Variants in BACH2 observed in about 807,000 individuals in gnomAD.
BACH2 encodes transcription regulator protein BACH2.
In BACH2, 5 loss-of-function variants were observed where a neutral mutation model predicts 61.8. The observed-to-expected ratio is 0.08, with a 90% confidence interval of 0.04 to 0.17. The LOEUF (loss-of-function observed/expected upper bound fraction) is 0.17. BACH2 is among the 10% of genes least tolerant of loss of function. The pLI is 1.00. For missense variants in BACH2, 824 were observed against 1,091.1 expected (o/e 0.76, Z 3.45); for synonymous variants, 446 against 440.1 (o/e 1.01, Z -0.17).
At chr6:90,273,186 C>T (rs979739584) in intron 1 of BACH2, among the ~76,000 whole-genome samples, 2 of 151,116 alleles carry the variant, frequency 1.3e-5, no homozygotes, top group African/African-American at 4.9e-5. Context: ...ATAACGAGTT[C>T]CTGTTTCTAT....
intron 4 of BACH2, among the ~76,000 whole-genome samples, chr6:90,089,730 T>C (rs1031751261): frequency 2.0e-5 from 3 of 152,198 alleles, no homozygotes; most frequent in Admixed American, 1.3e-4. Context: ...TGTATGGGTC[T>C]GAAACTCCTT....
At chr6:89,937,919 A>G (rs939042248) in intron 8 of BACH2, among the ~76,000 whole-genome samples, 2 of 152,218 alleles carry the variant, frequency 1.3e-5, no homozygotes, top group African/African-American at 2.4e-5. Context: ...ATATTGACAC[A>G]CTATTACACA....
chr6:90,276,394 C>A (rs1041708802), intron 1 of BACH2, among the ~76,000 whole-genome samples: 31 of 152,138 alleles, frequency 2.0e-4, no homozygotes, highest in Non-Finnish European at 2.2e-4. Context: ...ACCTATAAGT[C>A]TAAACATAAA....
intron 3 of BACH2, among the ~76,000 whole-genome samples, chr6:90,222,750 C>A (rs761462564): frequency 4.6e-5 from 7 of 152,138 alleles, no homozygotes; most frequent in Non-Finnish European, 8.8e-5. Context: ...TGTCTCCTTG[C>A]CCCTAGTTTC....
chr6:90,025,264 C>T (rs942596122), intron 5 of BACH2, among the ~76,000 whole-genome samples: 2 of 152,110 alleles, frequency 1.3e-5, no homozygotes, highest in African/African-American at 4.8e-5. Context: ...GTGATCATCG[C>T]ACTGGTCTTT....
At chr6:90,246,171 G>T (rs1388647807) in intron 3 of BACH2, among the ~76,000 whole-genome samples, 2 of 152,098 alleles carry the variant, frequency 1.3e-5, no homozygotes, top group Non-Finnish European at 2.9e-5. Context: ...TAAACTCTAG[G>T]ATTCCAATTT....
chr6:89,981,585 T>A (rs1775962081), intron 6 of BACH2, among the ~76,000 whole-genome samples: 1 of 152,178 alleles, frequency 6.6e-6, no homozygotes, highest in Non-Finnish European at 1.5e-5. Flanking sequence ...TGGCTCCTTA[T>A]TTAAGCATAT....
intron 5 of BACH2, among the ~76,000 whole-genome samples, chr6:90,040,442 T>C (rs1436208862): frequency 6.6e-6 from 1 of 152,144 alleles, no homozygotes; most frequent in Non-Finnish European, 1.5e-5. Context: ...TAATGCCAAT[T>C]CAAATATATG....
At chr6:89,969,325 G>A (rs1775230898) in intron 6 of BACH2, among the ~76,000 whole-genome samples, 1 of 152,102 alleles carries the variant, frequency 6.6e-6, no homozygotes, top group South Asian at 2.1e-4. Context: ...AAAGTGCTGG[G>A]ATTACAGGTG....
intron 5 of BACH2, among the ~76,000 whole-genome samples, chr6:90,054,148 C>T (rs939694171): frequency 2.3e-4 from 35 of 151,832 alleles, no homozygotes; most frequent in Admixed American, 1.4e-3. Flanking sequence ...GCACCGTGCA[C>T]GAGCCAAAGC....
chr6:90,010,095 T>A (rs1215004686), intron 5 of BACH2, among the ~76,000 whole-genome samples: 2 of 152,256 alleles, frequency 1.3e-5, no homozygotes, highest in African/African-American at 4.8e-5. Context: ...CTTATTTTTT[T>A]AAAACAGCTT....
At chr6:90,295,310 T>TGCCCCATGCGCCCGCGAC (rs1399686829) in intron 1 of BACH2, among the ~76,000 whole-genome samples, 2 of 152,120 alleles carry the variant, frequency 1.3e-5, no homozygotes, top group Middle Eastern at 3.4e-3. Flanking sequence ...GTGCTGGGGA[T>TGCCCCATGCGCCCGCGAC]GCCCCATGCG....
At chr6:90,109,156 C>T (rs1783056298) in intron 4 of BACH2, among the ~76,000 whole-genome samples, 1 of 152,126 alleles carries the variant, frequency 6.6e-6, no homozygotes, top group South Asian at 2.1e-4. Flanking sequence ...TTTCCTTAAC[C>T]TGTTGTAGAT....
At chr6:90,044,298 C>A (rs1335930615) in intron 5 of BACH2, among the ~76,000 whole-genome samples, 1 of 152,112 alleles carries the variant, frequency 6.6e-6, no homozygotes, top group African/African-American at 2.4e-5. Flanking sequence ...GTAAACCATG[C>A]AGATATCTGG....
intron 2 of BACH2, among the ~76,000 whole-genome samples, chr6:90,269,104 C>A (rs1771437439): frequency 6.6e-6 from 1 of 152,020 alleles, no homozygotes; most frequent in Non-Finnish European, 1.5e-5. Flanking sequence ...TTTTTTCTCC[C>A]CTCTCGTCCT....
At chr6:90,243,733 C>T (rs1770535054) in intron 3 of BACH2, among the ~76,000 whole-genome samples, 4 of 152,188 alleles carry the variant, frequency 2.6e-5, no homozygotes, top group South Asian at 2.1e-4. Context: ...AAGCTAGCAT[C>T]CTTTTCTCAG....
chr6:90,002,653 C>A (rs1226693076), intron 6 of BACH2, among the ~76,000 whole-genome samples: 1 of 152,134 alleles, frequency 6.6e-6, no homozygotes, highest in African/African-American at 2.4e-5. Flanking sequence ...ACCTGTAATC[C>A]CAGCTACTTG....
chr6:90,292,926 G>A (rs1052327381), intron 1 of BACH2, among the ~76,000 whole-genome samples: 1 of 152,204 alleles, frequency 6.6e-6, no homozygotes, highest in African/African-American at 2.4e-5. Context: ...CCTACCAACT[G>A]TTCCCTAGCA....
intron 8 of BACH2, 135 bp from the exon 9 acceptor site, chr6:89,933,025 A>G (rs1584494302): frequency 1.0e-6 from 1 of 992,142 alleles, no homozygotes; most frequent in East Asian, 2.7e-5. Flanking sequence ...GTCAGGCTCT[A>G]GAAACTTAAA....
Sources: gnomAD v4.1 joint callset for allele counts (sites outside exome capture counted in the v4.1 genomes callset) on GRCh38, gnomAD v4.1.1 for gene constraint, MANE v1.5 for transcripts, NCBI Gene and HGNC (gene_info 2026-07-23, HGNC 2026-07-21) for gene names.